The following LARGE1 variants were observed in gnomAD, a reference collection of about 807,000 sequenced individuals.
LARGE1 encodes the protein xylosyl- and glucuronyltransferase LARGE1.
A neutral mutation model predicts 87.6 loss-of-function variants in LARGE1; 43 were observed. The observed-to-expected ratio is 0.49, with a 90% CI of 0.38 to 0.63. The LOEUF (loss-of-function observed/expected upper bound fraction) is 0.63, where lower values mean the gene tolerates loss of function less well. LARGE1 is among the 30% of genes least tolerant of loss of function. The pLI is 0.00. For synonymous variants in LARGE1, 434 were observed against 394.6 expected, an observed-to-expected ratio of 1.10 and a Z score of -1.18; for missense variants, 802 against 1,000.2, an observed-to-expected ratio of 0.80 and a Z score of 2.67.
intron 1 of LARGE1, among the ~76,000 whole-genome samples, chr22:33,911,652 T>A (rs1275800396): frequency 6.6e-6 from 1 of 152,232 alleles, no homozygotes; most frequent in Non-Finnish European, 1.5e-5. Context: ...CATGTAAATG[T>A]GAACAAGCTT....
upstream of LARGE1, among the ~76,000 whole-genome samples, chr22:33,922,221 G>A (rs2065966899): frequency 6.9e-6 from 1 of 144,482 alleles, no homozygotes; most frequent in Non-Finnish European, 1.5e-5. Flanking sequence ...GCGCGGGAAA[G>A]GGCCGCCGAG....
chr22:33,794,766 C>T (rs1037372128), intron 1 of LARGE1, among the ~76,000 whole-genome samples: 4 of 152,042 alleles, frequency 2.6e-5, no homozygotes, highest in South Asian at 4.1e-4. Context: ...ATTACAGGTA[C>T]GTGCCACCAC....
chr22:33,089,325 TTCTTCTTC>T, the LARGE1 span, among the ~76,000 whole-genome samples: 105 of 88,126 alleles, frequency 1.2e-3, 1 homozygote, highest in Admixed American at 5.7e-3. Flanking sequence ...TTCTTCTTTC[TTCTTCTTC>T]TTCTTCTTCT....
rs763433197 is a variant in LARGE1, at chr22:33,761,349, TC to T, written c.106+21del. The T allele has an allele frequency of 5.1e-6, 8 of 1,570,972 alleles. No homozygotes were observed. The East Asian group carries it at 1.6e-4, about 31-fold the overall frequency. ...GTTCCCTTTCTTCCCTCCTTCCCTCTCACTTTGGCTTCCATTCTTACCTTCG... is the reference window on the plus strand; with the variant it reads ...GTTCCCTTTCTTCCCTCCTTCCCTCTACTTTGGCTTCCATTCTTACCTTCG... On this transcript the variant is annotated intron_variant, in intron 2 of 14. Coordinates refer to ENST00000397394, the MANE Select transcript of LARGE1 (RefSeq NM_133642.5).
intron 2 of LARGE1, among the ~76,000 whole-genome samples, chr22:33,740,836 G>A (rs796920737): frequency 6.6e-6 from 1 of 152,070 alleles, no homozygotes; most frequent in South Asian, 2.1e-4. Flanking sequence ...CCCCGCCACC[G>A]CCATCCTCAC....
intron 1 of LARGE1, among the ~76,000 whole-genome samples, chr22:33,858,201 C>G (rs932833788): frequency 6.6e-6 from 1 of 152,190 alleles, no homozygotes. Flanking sequence ...CGATCGGGAG[C>G]GGCAATGGGC....
At chr22:33,357,293 T>C (rs908727593) in intron 9 of LARGE1, among the ~76,000 whole-genome samples, 3 of 149,942 alleles carry the variant, frequency 2.0e-5, no homozygotes, top group Non-Finnish European at 4.4e-5. Flanking sequence ...AAGTGGGAGC[T>C]AAATAGTGAG....
At chr22:33,521,015 C>A (rs921979802) in intron 6 of LARGE1, among the ~76,000 whole-genome samples, 5 of 152,194 alleles carry the variant, frequency 3.3e-5, no homozygotes, top group African/African-American at 9.7e-5. Flanking sequence ...GATTTTCAGT[C>A]CCCAGCGCTT....
In LARGE1 at chr22:33,316,278, G is replaced by A. The variant is rs1054210685; in HGVS notation, c.1288-30C>T. The A allele has an allele frequency of 1.5e-5, 24 of 1,609,924 alleles. 1 individual carries two copies. The highest frequency in any genetic ancestry group is 8.9e-5 in the East Asian group (4 of 44,798). On this transcript the variant is annotated intron_variant, in intron 10 of 14. Coordinates refer to ENST00000397394, the MANE Select transcript of LARGE1 (RefSeq NM_133642.5). ...AGGGTAGGAGAGAGGGCTTGGGCAC[G>A]TGAAGAAGAGGTCCGAGGGGGCCCA...
At chr22:33,588,408 A>G (rs130423) in intron 5 of LARGE1, among the ~76,000 whole-genome samples, 74,595 of 152,092 alleles carry the variant, frequency 0.49, 18,404 homozygotes, top group Middle Eastern at 0.53. Context: ...AAGAAAGATG[A>G]GGAAGGGAGA....
At chr22:33,707,589 C>G (rs1400418782) in intron 2 of LARGE1, among the ~76,000 whole-genome samples, 1 of 152,242 alleles carries the variant, frequency 6.6e-6, no homozygotes, top group Non-Finnish European at 1.5e-5. Context: ...TCCCTGGTCT[C>G]AGTTCTTTGG....
intron 2 of LARGE1, among the ~76,000 whole-genome samples, chr22:33,729,880 T>C (rs2083397422): frequency 6.6e-6 from 1 of 152,158 alleles, no homozygotes; most frequent in African/African-American, 2.4e-5. Context: ...CCTCATCAAG[T>C]ATTTATGGAG....
intron 2 of LARGE1, among the ~76,000 whole-genome samples, chr22:33,722,947 A>G (rs1170975893): frequency 1.3e-5 from 2 of 152,162 alleles, no homozygotes; most frequent in African/African-American, 4.8e-5. Context: ...AAGGGAAATT[A>G]GAGCAAGATC....
At chr22:33,784,839 T>C (rs1178421582) in intron 1 of LARGE1, among the ~76,000 whole-genome samples, 1 of 151,666 alleles carries the variant, frequency 6.6e-6, no homozygotes, top group Non-Finnish European at 1.5e-5. Flanking sequence ...ATGTATAATA[T>C]ACACACATAG....
intron 2 of LARGE1, among the ~76,000 whole-genome samples, chr22:33,710,074 G>A (rs752804979): frequency 2.7e-5 from 4 of 150,748 alleles, no homozygotes; most frequent in African/African-American, 4.9e-5. Flanking sequence ...TGCTACTGCC[G>A]TTCAACAAAT....
At chr22:33,637,515 G>A (rs2080303261) in intron 3 of LARGE1, among the ~76,000 whole-genome samples, 1 of 152,066 alleles carries the variant, frequency 6.6e-6, no homozygotes, top group African/African-American at 2.4e-5. Context: ...CTGTGTCAGA[G>A]CCGGGCTGTA....
At chr22:33,694,298 TTC>T (rs1038005001) in intron 2 of LARGE1, among the ~76,000 whole-genome samples, 14 of 152,344 alleles carry the variant, frequency 9.2e-5, no homozygotes, top group African/African-American at 3.4e-4. Flanking sequence ...TCCATAGCTA[TTC>T]TGTTTCCAGC....
At chr22:33,803,278 A>C (rs886862139) in intron 1 of LARGE1, among the ~76,000 whole-genome samples, 8 of 152,164 alleles carry the variant, frequency 5.3e-5, no homozygotes, top group African/African-American at 1.9e-4. Context: ...TGAGCTTCAG[A>C]GACTTCATCT....
At chr22:33,547,089 T>C (rs2077380585) in intron 6 of LARGE1, among the ~76,000 whole-genome samples, 1 of 152,142 alleles carries the variant, frequency 6.6e-6, no homozygotes. Context: ...GACTGAACTG[T>C]TATATGCCAG....
Sources: gnomAD v4.1 joint callset for allele counts (sites outside exome capture counted in the v4.1 genomes callset) on GRCh38, gnomAD v4.1.1 for gene constraint, MANE v1.5 for transcripts, NCBI Gene and HGNC (gene_info 2026-07-23, HGNC 2026-07-21) for gene names.